The following MAP7D2 variants were observed in gnomAD, a reference collection of about 807,000 sequenced individuals.
MAP7D2 encodes MAP7 domain-containing protein 2.
In MAP7D2, 33 loss-of-function variants were observed where a neutral mutation model predicts 63.5. The observed-to-expected ratio is 0.52, with a 90% CI of 0.39 to 0.70. The LOEUF is 0.70. Among genes scored for constraint, MAP7D2 ranks in the 30% least tolerant of loss-of-function variants. The probability of loss-of-function intolerance (pLI) is 0.00; values close to 1 mark genes in which losing one functional copy is unlikely to be tolerated. For synonymous variants in MAP7D2, 224 were observed against 223.7 expected (o/e 1.00, Z -0.01); for missense variants, 626 against 604.0 (o/e 1.04, Z -0.38).
intron 5 of MAP7D2, 83 bp downstream of exon 5, chrX:20,052,795 G>C: frequency 4.1e-6 from 3 of 737,185 alleles, no homozygotes; most frequent in Non-Finnish European, 6.4e-6. Flanking sequence ...GGCTCAAGAG[G>C]AGACTCTCAC....
intron 1 of MAP7D2, among the ~76,000 whole-genome samples, chrX:20,083,272 A>G (rs1265183291): frequency 2.7e-5 from 3 of 112,360 alleles, no homozygotes; most frequent in Non-Finnish European, 5.6e-5. Context: ...TAAAACAACG[A>G]GGCCTTCAGG....
chrX:20,029,903 A>G, intron 8 of MAP7D2, among the ~76,000 whole-genome samples: 1 of 111,357 alleles, frequency 9.0e-6, no homozygotes, highest in Non-Finnish European at 1.9e-5. Flanking sequence ...ACTTGCTTAC[A>G]TGGACTTTGT....
intron 8 of MAP7D2, among the ~76,000 whole-genome samples, chrX:20,039,458 C>T (rs2064589277): frequency 8.9e-6 from 1 of 111,863 alleles, no homozygotes; most frequent in South Asian, 3.7e-4. Flanking sequence ...GTAATTACGA[C>T]CTTATTATTT....
At chrX:20,044,226 C>T in intron 7 of MAP7D2, 138 bp downstream of exon 7, 5 of 670,827 alleles carry the variant, frequency 7.5e-6, no homozygotes, top group Non-Finnish European at 1.1e-5. Context: ...AAATTTTGAA[C>T]TAAATCTACC....
intron 1 of MAP7D2, among the ~76,000 whole-genome samples, chrX:20,088,472 T>G (rs964887925): frequency 7.9e-5 from 2 of 25,454 alleles, no homozygotes; most frequent in East Asian, 1.5e-3. Flanking sequence ...TTTTCAGTTT[T>G]TTTTTTTTTT....
At chrX:20,046,928 G>C (rs1270541347) in intron 6 of MAP7D2, among the ~76,000 whole-genome samples, 1 of 112,771 alleles carries the variant, frequency 8.9e-6, no homozygotes, top group African/African-American at 3.2e-5. Context: ...TTTGTGTTCT[G>C]TTTTCCATAA....
chrX:20,067,776 T>C (rs767326267), intron 1 of MAP7D2, among the ~76,000 whole-genome samples: 1 of 112,233 alleles, frequency 8.9e-6, no homozygotes, highest in Non-Finnish European at 1.9e-5. Context: ...AAGTGATGCA[T>C]GCAGGGAACA....
chrX:20,038,883 G>C (rs1041267165), intron 8 of MAP7D2, among the ~76,000 whole-genome samples: 3 of 111,960 alleles, frequency 2.7e-5, no homozygotes, highest in African/African-American at 9.7e-5. Flanking sequence ...AGTATGCGTG[G>C]AATACAGGAG....
chrX:20,099,691 TGTAA>T (rs1336514258), intron 1 of MAP7D2, among the ~76,000 whole-genome samples: 1 of 112,101 alleles, frequency 8.9e-6, no homozygotes, highest in Non-Finnish European at 1.9e-5. Context: ...TCTTTCCTTC[TGTAA>T]GTAAGAAGCT....
intron 2 of MAP7D2, among the ~76,000 whole-genome samples, chrX:20,064,273 T>C (rs1251225673): frequency 8.9e-6 from 1 of 112,306 alleles, no homozygotes; most frequent in Non-Finnish European, 1.9e-5. Flanking sequence ...CTAATCTGTC[T>C]ACAGCCTGCA....
chrX:20,023,951 C>T (rs1047308371), intron 10 of MAP7D2, among the ~76,000 whole-genome samples: 2 of 112,282 alleles, frequency 1.8e-5, no homozygotes, highest in African/African-American at 6.5e-5. Context: ...ACCTACCCCA[C>T]TGTCCCTTTT....
intron 8 of MAP7D2, among the ~76,000 whole-genome samples, chrX:20,027,895 G>C (rs1157899921): frequency 9.1e-6 from 1 of 109,521 alleles, no homozygotes; most frequent in Non-Finnish European, 1.9e-5. Context: ...AATCCCCATG[G>C]TGACCTTGAG....
At chrX:20,051,633 A>C (rs1444857164) in intron 5 of MAP7D2, among the ~76,000 whole-genome samples, 1 of 111,751 alleles carries the variant, frequency 8.9e-6, no homozygotes, top group African/African-American at 3.2e-5. Context: ...CCTATAAAAC[A>C]CTTGTTTTAG....
chrX:20,062,335 A>G (rs1406373061), intron 3 of MAP7D2, among the ~76,000 whole-genome samples: 3 of 111,703 alleles, frequency 2.7e-5, no homozygotes, highest in African/African-American at 9.8e-5. Context: ...AAGGCACAGC[A>G]ATCAGACTGC....
chrX:20,065,379 G>A (rs1269294384), intron 1 of MAP7D2, among the ~76,000 whole-genome samples: 1 of 107,676 alleles, frequency 9.3e-6, no homozygotes, highest in Non-Finnish European at 1.9e-5. Context: ...CGATTCTCCT[G>A]CCTCAGCCTC....
chrX:20,096,259 CTTTTT>C (rs777881819), intron 1 of MAP7D2, among the ~76,000 whole-genome samples: 1 of 86,967 alleles, frequency 1.1e-5, no homozygotes, highest in Non-Finnish European at 2.3e-5. Context: ...AGACCCTGTC[CTTTTT>C]TTTTTTTTTT....
intron 1 of MAP7D2, among the ~76,000 whole-genome samples, chrX:20,103,878 C>T (rs779205489): frequency 1.8e-5 from 2 of 111,303 alleles, no homozygotes; most frequent in South Asian, 7.7e-4. Context: ...ATAATCTTTA[C>T]ATGCCAAAGT....
rs774634250 is a variant in MAP7D2 at position 20,013,642 on chromosome X, A to G, written c.1750-17T>C. On this transcript the variant is annotated splice_polypyrimidine_tract_variant and intron_variant, in intron 12 of 16. Coordinates refer to ENST00000379643, the MANE Select transcript of MAP7D2 (RefSeq NM_001168465.2). The stretch of plus-strand genomic sequence containing the variant: ...ATCTATTCTCTAAAAACAAAAAACA[A>G]AAAACAAAATCAAGTAAGAGGACAA... The G allele has an allele frequency of 8.8e-6, 10 of 1,130,365 alleles. No individual in the cohort carries two copies. Among genetic ancestry groups the G allele is most frequent in the Non-Finnish European group, 1.1e-5 (9 of 831,444 alleles). 93.2% of individuals were successfully genotyped at this position (1,130,365 alleles called of 1,213,427 possible). A position where few individuals can be genotyped will look rare whatever the true frequency, so the allele number is the denominator to read the frequency against.
intron 8 of MAP7D2, among the ~76,000 whole-genome samples, chrX:20,031,730 G>T (rs1342019428): frequency 9.0e-6 from 1 of 111,685 alleles, no homozygotes; most frequent in Non-Finnish European, 1.9e-5. Context: ...TCACAGCACG[G>T]CACTCCAGCA....
Sources: allele counts gnomAD v4.1 joint callset (sites outside exome capture counted in the v4.1 genomes callset), GRCh38; gene constraint gnomAD v4.1.1; transcripts MANE v1.5; gene names NCBI Gene and HGNC (gene_info 2026-07-23, HGNC 2026-07-21).